Variants in GRIN2A observed in about 807,000 individuals in gnomAD.
GRIN2A encodes the protein glutamate ionotropic receptor NMDA type subunit 2A.
A neutral mutation model predicts 113.4 loss-of-function variants in GRIN2A; 22 were observed. The observed-to-expected ratio is 0.19, with a 90% CI of 0.14 to 0.28. The LOEUF is 0.28. GRIN2A is among the 10% of genes least tolerant of loss of function. The pLI is 1.00. For missense variants in GRIN2A, 1,502 were observed against 1,887.0 expected, an observed-to-expected ratio of 0.80 and a Z score of 3.78; for synonymous variants, 827 against 738.4, an observed-to-expected ratio of 1.12 and a Z score of -1.94.
intron 4 of GRIN2A, among the ~76,000 whole-genome samples, chr16:9,853,376 C>G (rs965896786): frequency 1.3e-5 from 2 of 152,120 alleles, no homozygotes; most frequent in Admixed American, 6.5e-5. Context: ...GTGGAGCCCT[C>G]ATGAATGGGG....
At chr16:9,824,850 G>A (rs2042356724) in intron 9 of GRIN2A, among the ~76,000 whole-genome samples, 1 of 152,000 alleles carries the variant, frequency 6.6e-6, no homozygotes, top group South Asian at 2.1e-4. Context: ...AAAGAGTCAT[G>A]ACCTACAGCG....
At chr16:9,862,248 G>C (rs1187221714) in intron 4 of GRIN2A, among the ~76,000 whole-genome samples, 2 of 152,198 alleles carry the variant, frequency 1.3e-5, no homozygotes, top group African/African-American at 4.8e-5. Flanking sequence ...AGCTATTAGA[G>C]CCTTAATTAA....
At chr16:9,832,480 T>C (rs552085639) in intron 8 of GRIN2A, among the ~76,000 whole-genome samples, 5 of 152,280 alleles carry the variant, frequency 3.3e-5, no homozygotes, top group African/African-American at 1.2e-4. Context: ...TTGATATTTA[T>C]TATAATCTGT....
In GRIN2A at chr16:9,762,607, G is replaced by T. The variant is rs924175572; in HGVS notation, c.*542C>A. ...TGGGCTGTGATGGAAGGCATAACAA[G>T]AAAGCTGAAACTGTTACGAGCCAAA... is the stretch of plus-strand genomic sequence containing the variant. On this transcript the variant is annotated 3_prime_UTR_variant, in exon 13 of 13. Transcript: ENST00000330684. The T allele has an allele frequency of 2.4e-4, 57 of 239,048 alleles. No homozygotes were observed. Among genetic ancestry groups the T allele is most frequent in the African/African-American group, 1.2e-3 (54 of 45,190 alleles). 14.8% of individuals were successfully genotyped at this position (239,048 alleles called of 1,614,324 possible). A position where few individuals can be genotyped will look rare whatever the true frequency, so the allele number is the denominator to read the frequency against.
At chr16:9,957,703 G>T (rs2045338858) in intron 2 of GRIN2A, among the ~76,000 whole-genome samples, 1 of 152,142 alleles carries the variant, frequency 6.6e-6, no homozygotes, top group Non-Finnish European at 1.5e-5. Context: ...TCAAAATGGG[G>T]CTATCTCAAC....
At chr16:9,946,494 C>T (rs2045020455) in intron 2 of GRIN2A, among the ~76,000 whole-genome samples, 1 of 151,948 alleles carries the variant, frequency 6.6e-6, no homozygotes, top group African/African-American at 2.4e-5. Context: ...CTTCAGATCC[C>T]TTTTTTTTCA....
intron 2 of GRIN2A, among the ~76,000 whole-genome samples, chr16:10,035,520 C>A (rs1024130387): frequency 6.6e-6 from 1 of 152,184 alleles, no homozygotes; most frequent in Non-Finnish European, 1.5e-5. Context: ...TGTGTCACCT[C>A]CCCTGTGAAG....
intron 3 of GRIN2A, among the ~76,000 whole-genome samples, chr16:9,920,799 T>G (rs2044344900): frequency 6.6e-6 from 1 of 152,110 alleles, no homozygotes; most frequent in Non-Finnish European, 1.5e-5. Context: ...GTGATCCCCC[T>G]GCCTCGGCCT....
At chr16:10,129,543 C>A (rs887001732) in intron 2 of GRIN2A, among the ~76,000 whole-genome samples, 2 of 152,066 alleles carry the variant, frequency 1.3e-5, no homozygotes, top group Non-Finnish European at 1.5e-5. Flanking sequence ...ATGGTGAGAA[C>A]AAGACAACCA....
intron 2 of GRIN2A, among the ~76,000 whole-genome samples, chr16:10,095,371 G>C (rs76549595): frequency 0.033 from 4,972 of 152,228 alleles, 122 homozygotes; most frequent in African/African-American, 0.065. Context: ...TAAAATCTGA[G>C]ACAATTTAAG....
intron 4 of GRIN2A, among the ~76,000 whole-genome samples, chr16:9,881,697 T>C (rs1195302557): frequency 1.3e-5 from 2 of 152,172 alleles, no homozygotes; most frequent in African/African-American, 4.8e-5. Flanking sequence ...ACCAGAGATA[T>C]AATGGTAAAG....
At chr16:10,013,280 C>T in intron 2 of GRIN2A, among the ~76,000 whole-genome samples, 1 of 152,200 alleles carries the variant, frequency 6.6e-6, no homozygotes, top group East Asian at 1.9e-4. Flanking sequence ...ATAGGCTGCC[C>T]TTTTTCCTCT....
intron 2 of GRIN2A, among the ~76,000 whole-genome samples, chr16:10,164,812 G>A (rs987284307): frequency 1.1e-4 from 17 of 152,284 alleles, no homozygotes; most frequent in South Asian, 2.1e-4. Flanking sequence ...ATATAAAAGC[G>A]ATGCTTAAAT....
chr16:9,763,668 G>T lies in GRIN2A; in HGVS notation c.3876C>A (p.Tyr1292Ter), dbSNP rs749688882. Residue 1292 changes from tyrosine (Y) to a stop codon, truncating the protein, a stop_gained, in exon 13 of 13, where the codon TAC becomes TAA. Coordinates refer to ENST00000330684, the MANE Select transcript of GRIN2A (RefSeq NM_001134407.3). LOFTEE classifies it high-confidence loss of function. ...CCCTAGGTTTGTCGACAATGTTATC[G>T]TAGGAATGCTGACGGCTAATCCTTA... Reference protein sequence around the residue: ...NKLRISRQHSYDNIVDKPREL... With the variant: ...NKLRISRQHS The T allele has an allele frequency of 6.2e-7, 1 of 1,613,612 alleles. No homozygotes were observed. Among genetic ancestry groups the T allele is most frequent in the Non-Finnish European group, 8.5e-7 (1 of 1,179,960 alleles).
In GRIN2A at chr16:9,761,422, C is replaced by T. The variant is rs1288187028; in HGVS notation, c.*1727G>A. The T allele has an allele frequency of 4.3e-6, 1 of 231,250 alleles. No individual in the cohort carries two copies. The highest frequency in any genetic ancestry group is 2.2e-5 in the African/African-American group (1 of 45,218). The allele number at this position is 231,250 out of a possible 1,614,324, so 14.3% of individuals were successfully genotyped here. A position where few individuals can be genotyped will look rare whatever the true frequency, so the allele number is the denominator to read the frequency against. On this transcript the variant is annotated 3_prime_UTR_variant, in exon 13 of 13. Transcript: ENST00000330684. ...GCGAGTCTACATTAGCTTAGTGTTT[C>T]CGTAATGGCCCAAAACAGACTGAGG...
At chr16:9,863,531 T>C (rs2043108338) in intron 4 of GRIN2A, among the ~76,000 whole-genome samples, 1 of 152,192 alleles carries the variant, frequency 6.6e-6, no homozygotes, top group Non-Finnish European at 1.5e-5. Flanking sequence ...GGCTTGATGT[T>C]GAATTCCACT....
intron 4 of GRIN2A, among the ~76,000 whole-genome samples, chr16:9,885,356 G>T (rs530836519): frequency 1.3e-5 from 2 of 152,176 alleles, no homozygotes; most frequent in African/African-American, 2.4e-5. Flanking sequence ...GGGAAGCCTT[G>T]GACTCATCAA....
chr16:9,868,100 A>T (rs1007877696), intron 4 of GRIN2A, among the ~76,000 whole-genome samples: 1 of 152,204 alleles, frequency 6.6e-6, no homozygotes, highest in Non-Finnish European at 1.5e-5. Flanking sequence ...CCAAGCCTTG[A>T]TAGTTCTAAT....
chr16:9,835,816 A>G (rs1413928490), intron 7 of GRIN2A, among the ~76,000 whole-genome samples: 1 of 152,218 alleles, frequency 6.6e-6, no homozygotes, highest in Non-Finnish European at 1.5e-5. Flanking sequence ...AGTTTAATGT[A>G]TAACAAGAAA....
Sources: gnomAD v4.1 joint callset for allele counts (sites outside exome capture counted in the v4.1 genomes callset) on GRCh38, gnomAD v4.1.1 for gene constraint, MANE v1.5 for transcripts, NCBI Gene and HGNC (gene_info 2026-07-23, HGNC 2026-07-21) for gene names.